Variants in APBB2 observed in about 807,000 individuals in gnomAD.
APBB2 encodes the protein Fe65-like 1.
Under a neutral mutation model 82.5 loss-of-function variants are expected in APBB2, and 38 were observed. The ratio of observed to expected loss-of-function variants is 0.46; its 90% CI spans 0.36 to 0.60. APBB2 has a LOEUF of 0.60. Among genes scored for constraint, APBB2 ranks in the 20% least tolerant of loss-of-function variants. APBB2 has a pLI of 0.00. For missense variants in APBB2, 772 were observed against 972.3 expected (o/e 0.79, Z 2.74); for synonymous variants, 341 against 368.2 (o/e 0.93, Z 0.85).
At chr4:41,085,952 TAGACTGACTAAGAAAAAGA>T (rs1257872904) in intron 3 of APBB2, among the ~76,000 whole-genome samples, 2 of 151,942 alleles carry the variant, frequency 1.3e-5, no homozygotes, top group Admixed American at 1.3e-4. Context: ...TTCCTTTAGG[TAGACTGACTAAGAAAAAGA>T]AGACTAACTA....
intron 12 of APBB2, among the ~76,000 whole-genome samples, chr4:40,878,732 C>T (rs1005427674): frequency 2.6e-5 from 4 of 152,188 alleles, no homozygotes; most frequent in Non-Finnish European, 5.9e-5. Flanking sequence ...TGTCAGAGCC[C>T]GTCTGTCACC....
chr4:40,817,006 A>G (rs188308760), intron 17 of APBB2, among the ~76,000 whole-genome samples: 22 of 152,344 alleles, frequency 1.4e-4, no homozygotes, highest in East Asian at 1.3e-3. Context: ...AAATATAACA[A>G]TGTAGTCCAC....
intron 4 of APBB2, among the ~76,000 whole-genome samples, chr4:41,061,718 ACTT>A (rs1276991790): frequency 6.6e-6 from 1 of 152,242 alleles, no homozygotes; most frequent in East Asian, 1.9e-4. Flanking sequence ...CTAGCTATTT[ACTT>A]CTTATTTTCG....
At chr4:41,133,878 C>T (rs958385040) in intron 2 of APBB2, among the ~76,000 whole-genome samples, 1 of 152,160 alleles carries the variant, frequency 6.6e-6, no homozygotes, top group Admixed American at 6.5e-5. Flanking sequence ...GTATCTGATT[C>T]CCCCAGCCAC....
At chr4:40,849,052 T>A in intron 12 of APBB2, 1 of 254,824 alleles carries the variant, frequency 3.9e-6, no homozygotes, top group Non-Finnish European at 6.2e-6. Context: ...AATACCTAAG[T>A]AGGGGAAAGA....
intron 1 of APBB2, among the ~76,000 whole-genome samples, chr4:41,166,767 C>T (rs1452393256): frequency 1.3e-5 from 2 of 151,836 alleles, no homozygotes; most frequent in African/African-American, 2.4e-5. Flanking sequence ...TATGGTGGCA[C>T]ATGCTTGTAA....
intron 1 of APBB2, among the ~76,000 whole-genome samples, chr4:41,178,215 A>G (rs569567027): frequency 6.6e-6 from 1 of 152,338 alleles, no homozygotes; most frequent in African/African-American, 2.4e-5. Flanking sequence ...AGAAAAATAT[A>G]CATATATACA....
At chr4:41,016,095 T>C (rs1187616236) in intron 5 of APBB2, among the ~76,000 whole-genome samples, 1 of 152,162 alleles carries the variant, frequency 6.6e-6, no homozygotes, top group Non-Finnish European at 1.5e-5. Flanking sequence ...AGAGCATAGA[T>C]ACATGAGAGA....
At chr4:41,165,637 C>G (rs1042838102) in intron 1 of APBB2, among the ~76,000 whole-genome samples, 1 of 152,142 alleles carries the variant, frequency 6.6e-6, no homozygotes, top group Non-Finnish European at 1.5e-5. Flanking sequence ...CTCTCACCCA[C>G]CAGGAGGTTG....
At chr4:40,825,178 A>G (rs751664448) in intron 15 of APBB2, among the ~76,000 whole-genome samples, 11 of 152,202 alleles carry the variant, frequency 7.2e-5, no homozygotes, top group Non-Finnish European at 1.3e-4. Flanking sequence ...TGCTGTGAAC[A>G]TTTGCATACA....
chr4:41,131,307 G>A (rs866272093), intron 2 of APBB2, among the ~76,000 whole-genome samples: 4 of 152,186 alleles, frequency 2.6e-5, no homozygotes, highest in Middle Eastern at 6.8e-3. Flanking sequence ...TTTGTATTAG[G>A]TATTGATTAC....
chr4:40,883,459 T>C (rs994238156), intron 12 of APBB2, among the ~76,000 whole-genome samples: 8 of 152,108 alleles, frequency 5.3e-5, no homozygotes, highest in Admixed American at 6.5e-5. Context: ...TGGTGGCGCA[T>C]GCCTGTAATC....
chr4:41,002,506 C>T (rs913948936), intron 6 of APBB2, among the ~76,000 whole-genome samples: 7 of 152,138 alleles, frequency 4.6e-5, no homozygotes, highest in Non-Finnish European at 7.4e-5. Context: ...GTTCTTCTAC[C>T]GTAACAGTTC....
At chr4:41,149,738 T>C (rs551402349) in intron 1 of APBB2, among the ~76,000 whole-genome samples, 20 of 152,304 alleles carry the variant, frequency 1.3e-4, no homozygotes, top group African/African-American at 3.6e-4. Flanking sequence ...CCATGTGTCA[T>C]GGCAGGGACC....
At chr4:40,828,246 G>A (rs765024420) in intron 13 of APBB2, among the ~76,000 whole-genome samples, 4 of 152,156 alleles carry the variant, frequency 2.6e-5, no homozygotes, top group Non-Finnish European at 5.9e-5. Context: ...AAGGGACACT[G>A]ATGTCTGCTT....
intron 5 of APBB2, 67 bp downstream of exon 5, chr4:41,033,169 T>A (rs996957144): frequency 7.3e-5 from 72 of 993,076 alleles, no homozygotes; most frequent in Non-Finnish European, 1.0e-4. Context: ...ACATTAAACA[T>A]TATCTTTTTT....
At chr4:40,885,832 A>C (rs1255635260) in intron 12 of APBB2, among the ~76,000 whole-genome samples, 4 of 152,184 alleles carry the variant, frequency 2.6e-5, no homozygotes, top group African/African-American at 9.6e-5. Flanking sequence ...CAAGCCTGGG[A>C]AACGCTTTCT....
At chr4:41,107,396 G>T (rs1303343855) in intron 2 of APBB2, among the ~76,000 whole-genome samples, 1 of 152,100 alleles carries the variant, frequency 6.6e-6, no homozygotes, top group Non-Finnish European at 1.5e-5. Flanking sequence ...AAAAAATAAT[G>T]GGGGAAACTC....
chr4:41,041,023 A>C (rs151020088), intron 4 of APBB2, among the ~76,000 whole-genome samples: 1 of 151,934 alleles, frequency 6.6e-6, no homozygotes, highest in Non-Finnish European at 1.5e-5. Context: ...TGGGACTACA[A>C]GCGCCCACCA....
Sources: gnomAD v4.1 joint callset for allele counts (sites outside exome capture counted in the v4.1 genomes callset) on GRCh38, gnomAD v4.1.1 for gene constraint, MANE v1.5 for transcripts, NCBI Gene and HGNC (gene_info 2026-07-23, HGNC 2026-07-21) for gene names.